Variants in GSE1 observed in about 807,000 individuals in gnomAD.
GSE1 encodes the protein Gse1 coiled-coil protein.
GSE1 carries 32 observed loss-of-function variants against 112.6 expected under a neutral mutation model. The observed-to-expected ratio is 0.28, with a 90% confidence interval of 0.21 to 0.38. The LOEUF is 0.38. GSE1 is among the 10% of genes least tolerant of loss of function. The probability of loss-of-function intolerance (pLI) is 1.00; values close to 1 mark genes in which losing one functional copy is unlikely to be tolerated. For missense variants in GSE1, 2,348 were observed against 1,699.2 expected (o/e 1.38, Z -6.71); for synonymous variants, 1,115 against 735.6 (o/e 1.52, Z -8.35).
intron 1 of GSE1, among the ~76,000 whole-genome samples, chr16:85,619,290 G>A (rs937671971): frequency 5.9e-5 from 9 of 152,206 alleles, no homozygotes; most frequent in Admixed American, 3.9e-4. Context: ...TGGGTCTGTG[G>A]CCACAGGCAG....
chr16:85,471,245 G>A (rs1237668808), intron 2 of GSE1, among the ~76,000 whole-genome samples: 1 of 152,202 alleles, frequency 6.6e-6, no homozygotes, highest in Non-Finnish European at 1.5e-5. Flanking sequence ...CCAGCTCCAG[G>A]GGTGGCTGAG....
rs74512047 is a variant in GSE1, at chr16:85,178,636, C to T, written c.2283+6829C>T. Among the ~76,000 whole-genome samples, 633 of 151,994 alleles carry T rather than the reference C, an allele frequency of 4.2e-3. 2 individuals carry two copies. The highest frequency in any genetic ancestry group is 6.7e-3 in the Non-Finnish European group (456 of 67,978). ...GTCTGGGATTTATCCTGGAAGGCCA[C>T]GGGAAAAGGATGCTATTCCAGGTTT... On this transcript the variant is annotated intron_variant, in intron 1 of 2. Transcript: ENST00000637419.
intron 1 of GSE1, among the ~76,000 whole-genome samples, chr16:85,235,544 G>C (rs1331503675): frequency 6.9e-6 from 1 of 144,394 alleles, no homozygotes; most frequent in East Asian, 2.2e-4. Context: ...TGGATGAGGG[G>C]GTGATAAAGG....
At chr16:85,568,530 G>A (rs1225869949) in intron 1 of GSE1, among the ~76,000 whole-genome samples, 1 of 152,174 alleles carries the variant, frequency 6.6e-6, no homozygotes, top group Non-Finnish European at 1.5e-5. Context: ...ATTAATTTGG[G>A]CCAGAAATGA....
At chr16:85,288,759 G>A (rs1161461639) in intron 1 of GSE1, among the ~76,000 whole-genome samples, 1 of 152,190 alleles carries the variant, frequency 6.6e-6, no homozygotes, top group African/African-American at 2.4e-5. Context: ...TTGGAATCTG[G>A]GGGTGGGGGG....
upstream of GSE1, among the ~76,000 whole-genome samples, chr16:85,551,946 G>A (rs1249047387): frequency 2.6e-5 from 4 of 152,170 alleles, no homozygotes; most frequent in Non-Finnish European, 5.9e-5. Context: ...CTCCTTCCTG[G>A]TCTGGCCTAC....
At chr16:85,266,055 G>A (rs1026332058) in intron 1 of GSE1, among the ~76,000 whole-genome samples, 3 of 152,210 alleles carry the variant, frequency 2.0e-5, no homozygotes, top group Admixed American at 2.0e-4. Flanking sequence ...GGGCTCTGGA[G>A]TGAGGAAGGG....
chr16:85,198,078 G>A (rs1283264409), intron 1 of GSE1, among the ~76,000 whole-genome samples: 1 of 152,136 alleles, frequency 6.6e-6, no homozygotes, highest in Non-Finnish European at 1.5e-5. Context: ...ACGTGCAGGT[G>A]TGGCCCTCAG....
chr16:85,229,798 T>G (rs953070012), intron 1 of GSE1, among the ~76,000 whole-genome samples: 3 of 152,332 alleles, frequency 2.0e-5, no homozygotes, highest in African/African-American at 7.2e-5. Flanking sequence ...GTGATTCTCT[T>G]GGTCCTTTTC....
chr16:85,226,790 T>C (rs1232371365), intron 1 of GSE1, among the ~76,000 whole-genome samples: 1 of 148,976 alleles, frequency 6.7e-6, no homozygotes, highest in African/African-American at 2.4e-5. Flanking sequence ...TGTGTGTGTG[T>C]GTGTGTGTGT....
chr16:85,238,420 G>C lies in GSE1; in HGVS notation c.2283+66613G>C, dbSNP rs568284812. Among the ~76,000 whole-genome samples, 120 of 152,340 alleles carry C rather than the reference G, an allele frequency of 7.9e-4. 1 individual carries two copies. The highest frequency in any genetic ancestry group is 2.5e-3 in the African/African-American group (106 of 41,586). ...CGCACCCCTGCAGCGGTAGCCTGGT[G>C]GGGGCTGGTGCTGCAGTTTCGTCAG... On this transcript the variant is annotated intron_variant, in intron 1 of 2. Transcript: ENST00000637419.
intron 2 of GSE1, among the ~76,000 whole-genome samples, chr16:85,481,954 C>T (rs566557758): frequency 6.6e-6 from 1 of 152,380 alleles, no homozygotes; most frequent in African/African-American, 2.4e-5. Flanking sequence ...CGGCCTGCTC[C>T]TCAAGGCCCT....
At chr16:85,647,544 G>A (rs1003922360) in intron 2 of GSE1, among the ~76,000 whole-genome samples, 3 of 152,140 alleles carry the variant, frequency 2.0e-5, no homozygotes, top group Non-Finnish European at 2.9e-5. Context: ...AGCCACCACC[G>A]CACTGCATCC....
intron 1 of GSE1, among the ~76,000 whole-genome samples, chr16:85,351,502 G>C (rs1448269068): frequency 6.6e-6 from 1 of 152,042 alleles, no homozygotes; most frequent in African/African-American, 2.4e-5. Flanking sequence ...ATGAGTGATT[G>C]CAGGGCCTGG....
At chr16:85,240,399 G>A (rs1367293386) in intron 1 of GSE1, among the ~76,000 whole-genome samples, 2 of 152,224 alleles carry the variant, frequency 1.3e-5, no homozygotes, top group African/African-American at 4.8e-5. Flanking sequence ...CCCCCACCAA[G>A]GGGGAGGGGG....
chr16:85,563,349 CAGTG>C lies in GSE1; in HGVS notation c.37+6989_37+6992del, dbSNP rs372127630. On this transcript the variant is annotated intron_variant, in intron 1 of 2. Coordinates refer to the GSE1 transcript ENST00000635906. The stretch of plus-strand genomic sequence containing the variant: ...AGCTTGGGGTAAAAGGAAAAAAAAT[CAGTG>C]AGAATTTTCTTACAAGTCTTTAGGG... Among the ~76,000 whole-genome samples the C allele has an allele frequency of 2.9e-3, 449 of 152,292 alleles. 4 individuals carry two copies. Among genetic ancestry groups the C allele is most frequent in the African/African-American group, 8.8e-3 (365 of 41,552 alleles).
intron 1 of GSE1, among the ~76,000 whole-genome samples, chr16:85,329,001 G>A (rs909808829): frequency 1.3e-5 from 2 of 152,214 alleles, no homozygotes; most frequent in Non-Finnish European, 2.9e-5. Flanking sequence ...CCCAAGAGGG[G>A]CGTTCGGTGG....
intron 1 of GSE1, among the ~76,000 whole-genome samples, chr16:85,590,031 TGA>T (rs1474089234): frequency 1.3e-5 from 2 of 151,672 alleles, no homozygotes; most frequent in Non-Finnish European, 2.9e-5. Flanking sequence ...ACATGAGACG[TGA>T]GTGTGAATGT....
intron 13 of GSE1, among the ~76,000 whole-genome samples, chr16:85,666,884 G>A (rs551922873): frequency 1.3e-5 from 2 of 152,344 alleles, no homozygotes; most frequent in Non-Finnish European, 2.9e-5. Context: ...TGTGGGTGGG[G>A]TGGAATTCCA....
Sources: gnomAD v4.1 joint callset for allele counts (sites outside exome capture counted in the v4.1 genomes callset) on GRCh38, gnomAD v4.1.1 for gene constraint, MANE v1.5 for transcripts, NCBI Gene and HGNC (gene_info 2026-07-23, HGNC 2026-07-21) for gene names.